KANK1: variants seen among roughly 807,000 people sequenced by gnomAD.
KANK1 encodes KN motif and ankyrin repeat domains 1.
KANK1 carries 109 observed loss-of-function variants against 106.2 expected under a neutral mutation model. That is an observed-to-expected ratio of 1.03 (90% confidence interval 0.88 to 1.20). The LOEUF is 1.20. KANK1 is among the 50% of genes most tolerant of loss of function. KANK1 has a pLI of 0.00. For missense variants in KANK1, 2,399 were observed against 1,710.7 expected, an observed-to-expected ratio of 1.40 and a Z score of -7.10; for synonymous variants, 873 against 652.2, an observed-to-expected ratio of 1.34 and a Z score of -5.16.
chr9:730,959 T>C (rs1161509429), intron 4 of KANK1, 199 bp from the exon 5 acceptor site: 1 of 380,846 alleles, frequency 2.6e-6, no homozygotes, highest in South Asian at 3.2e-5. Flanking sequence ...TTTTTTCCCA[T>C]GTGAAGAATG....
chr9:682,919 G>A (rs1306621236), intron 2 of KANK1, among the ~76,000 whole-genome samples: 2 of 152,332 alleles, frequency 1.3e-5, no homozygotes, highest in East Asian at 3.9e-4. Context: ...ACTCTCGCTT[G>A]TGTAAATATT....
At chr9:550,241 G>A (rs1341410276) in intron 1 of KANK1, among the ~76,000 whole-genome samples, 2 of 148,128 alleles carry the variant, frequency 1.4e-5, no homozygotes, top group Admixed American at 6.7e-5. Context: ...TTTAAGTATT[G>A]TTTTGGATAT....
At chr9:613,204 T>C (rs1458096377) in intron 1 of KANK1, among the ~76,000 whole-genome samples, 5 of 151,836 alleles carry the variant, frequency 3.3e-5, no homozygotes, top group African/African-American at 1.2e-4. Context: ...ACCAGATACA[T>C]AGTTCACAGC....
rs189457272 is a variant in KANK1 at position 703,046 on chromosome 9, C to G, written c.38-7758C>G. 2.6e-4 allele frequency among the ~76,000 whole-genome samples: 39 copies of G among 152,130 alleles called. 1 individual carries two copies. The East Asian group carries it at 4.8e-3, about 19-fold the overall frequency. ...TCTCTCTGTTGCCCAGGCTGGAATGCGGTGGTGCAATCTCGGTTCACTGTA... is the reference window on the plus strand; with the variant it reads ...TCTCTCTGTTGCCCAGGCTGGAATGGGGTGGTGCAATCTCGGTTCACTGTA... On this transcript the variant is annotated intron_variant, in intron 2 of 11. Coordinates refer to ENST00000382297, the MANE Select transcript of KANK1 (RefSeq NM_015158.5).
At chr9:544,605 A>C (rs1374297078) in intron 1 of KANK1, among the ~76,000 whole-genome samples, 1 of 152,296 alleles carries the variant, frequency 6.6e-6, no homozygotes, top group East Asian at 1.9e-4. Context: ...CCAGACAGAT[A>C]TGCAGAGTAA....
intron 4 of KANK1, chr9:730,534 A>AAT (rs1831942469): frequency 8.0e-6 from 3 of 375,132 alleles, no homozygotes; most frequent in Non-Finnish European, 1.0e-5. Flanking sequence ...TCTACTAAAA[A>AAT]ATACAAAAAT....
rs554923421 is a variant in KANK1 at position 483,942 on chromosome 9, C to G, written c.-362+10669C>G. Reference sequence around the variant, plus strand: ...CAGGTATGATTTGAAGAGAAGATACCCCATAAAAGGGCTTAAAGTTCATTA... The same window carrying G: ...CAGGTATGATTTGAAGAGAAGATACGCCATAAAAGGGCTTAAAGTTCATTA... On this transcript the variant is annotated intron_variant, in intron 3 of 15. Coordinates refer to the KANK1 transcript ENST00000382303. Among the ~76,000 whole-genome samples the G allele has an allele frequency of 1.9e-4, 29 of 152,148 alleles. No homozygotes were observed. The East Asian group carries it at 5.4e-3, about 28-fold the overall frequency.
At chr9:732,156 C>T in intron 5 of KANK1, 1 of 455,880 alleles carries the variant, frequency 2.2e-6, no homozygotes, top group Non-Finnish European at 4.0e-6. Context: ...ACAAGTGTTA[C>T]ATGATACCAA....
chr9:575,031 CT>C (rs1217141643), intron 1 of KANK1, among the ~76,000 whole-genome samples: 1 of 152,052 alleles, frequency 6.6e-6, no homozygotes, highest in Admixed American at 6.5e-5. Flanking sequence ...ATTTGCTAGG[CT>C]TTATGTTTAA....
chr9:674,964 C>T (rs1162832643), intron 1 of KANK1, among the ~76,000 whole-genome samples: 5 of 152,144 alleles, frequency 3.3e-5, no homozygotes, highest in Admixed American at 6.5e-5. Flanking sequence ...GTCAGCCTCC[C>T]ACAGTGCTGG....
chr9:625,856 C>CT (rs1563883890), intron 1 of KANK1, among the ~76,000 whole-genome samples: 1 of 152,128 alleles, frequency 6.6e-6, no homozygotes, highest in African/African-American at 2.4e-5. Flanking sequence ...GCCCATATCT[C>CT]TCACCACTCG....
At chr9:522,592 C>T (rs1273494079) in intron 1 of KANK1, among the ~76,000 whole-genome samples, 1 of 151,644 alleles carries the variant, frequency 6.6e-6, no homozygotes, top group African/African-American at 2.4e-5. Context: ...TTCTCCAGGC[C>T]TGGGACCCAC....
intron 1 of KANK1, among the ~76,000 whole-genome samples, chr9:576,432 A>G (rs900289563): frequency 6.6e-6 from 1 of 152,240 alleles, no homozygotes; most frequent in Non-Finnish European, 1.5e-5. Context: ...TTGCTCTGCT[A>G]GGCACTGTGC....
intron 1 of KANK1, among the ~76,000 whole-genome samples, chr9:595,918 C>T (rs1826097435): frequency 6.6e-6 from 1 of 151,842 alleles, no homozygotes; most frequent in Non-Finnish European, 1.5e-5. Context: ...CATCCCCTAT[C>T]CCAAACGCTT....
At chr9:724,658 T>C (rs965100575) in intron 3 of KANK1, among the ~76,000 whole-genome samples, 1 of 151,930 alleles carries the variant, frequency 6.6e-6, no homozygotes, top group African/African-American at 2.4e-5. Flanking sequence ...AAAAAACAGC[T>C]GGGCGTGGTG....
chr9:564,357 C>T (rs1192679228), intron 1 of KANK1, among the ~76,000 whole-genome samples: 2 of 152,100 alleles, frequency 1.3e-5, no homozygotes, highest in Admixed American at 6.6e-5. Flanking sequence ...CCACCGTGCC[C>T]GGCCAGAATG....
At chr9:655,096 G>A (rs764049429) in intron 1 of KANK1, among the ~76,000 whole-genome samples, 2 of 152,088 alleles carry the variant, frequency 1.3e-5, no homozygotes, top group Non-Finnish European at 2.9e-5. Context: ...CCAGCCGGGC[G>A]TGGTAGCTCA....
intron 10 of KANK1, among the ~76,000 whole-genome samples, chr9:742,719 C>T (rs1835991105): frequency 1.3e-5 from 2 of 152,174 alleles, no homozygotes; most frequent in South Asian, 2.1e-4. Context: ...ATTTGCACTG[C>T]AGAATCAAAT....
chr9:497,499 TCTC>T (rs1472653844), intron 3 of KANK1, among the ~76,000 whole-genome samples: 1 of 151,940 alleles, frequency 6.6e-6, no homozygotes, highest in Non-Finnish European at 1.5e-5. Flanking sequence ...CAAGAATTCT[TCTC>T]TCACAGCTCT....
Sources: gnomAD v4.1 joint callset for allele counts (sites outside exome capture counted in the v4.1 genomes callset) on GRCh38, gnomAD v4.1.1 for gene constraint, MANE v1.5 for transcripts, NCBI Gene and HGNC (gene_info 2026-07-23, HGNC 2026-07-21) for gene names.